Variants in DENND4B observed in about 807,000 individuals in gnomAD.
DENND4B encodes the protein DENN domain-containing protein 4B.
Under a neutral mutation model 161.0 loss-of-function variants are expected in DENND4B, and 67 were observed. The observed-to-expected ratio is 0.42, with a 90% CI of 0.34 to 0.51. The LOEUF is 0.51. DENND4B is among the 20% of genes least tolerant of loss of function. The pLI is 0.08. For missense variants in DENND4B, 1,481 were observed against 1,968.0 expected, an observed-to-expected ratio of 0.75 and a Z score of 4.68; for synonymous variants, 753 against 813.8, an observed-to-expected ratio of 0.93 and a Z score of 1.27.
rs1220780214 is a variant in DENND4B at position 153,942,146 on chromosome 1, C to T, written c.811-33G>A. 1 of 1,613,914 alleles carries T rather than the reference C, an allele frequency of 6.2e-7. No homozygotes were observed. The highest frequency in any genetic ancestry group is 1.7e-5 in the Admixed American group (1 of 60,020). ...GGGGCAGAAGGGTAGTCAGGCAGGCCCTGCATAGCCTGGACCCCTTGCCAC... is the reference window on the plus strand; with the variant it reads ...GGGGCAGAAGGGTAGTCAGGCAGGCTCTGCATAGCCTGGACCCCTTGCCAC... On this transcript the variant is annotated intron_variant, in intron 5 of 27. Coordinates refer to ENST00000361217, the MANE Select transcript of DENND4B (RefSeq NM_014856.3). This position sits in a 1 kb window ranked among gnomAD's most constrained non-coding sequence, Gnocchi z 6.9.
rs1678847863 is a variant in DENND4B, at chr1:153,930,542, T to C, written c.4342A>G (p.Ile1448Val). The C allele has an allele frequency of 3.7e-6, 6 of 1,614,024 alleles. No homozygotes were observed. The highest frequency in any genetic ancestry group is 5.1e-6 in the Non-Finnish European group (6 of 1,179,884). Residue 1448 changes from isoleucine to valine, a missense_variant, in exon 27 of 28, where the codon ATA becomes GTA. Transcript: ENST00000361217. The surrounding 1 kb of genome is among the most constrained non-coding windows in gnomAD (Gnocchi z 4.7). ...MAALGKDHVD[I>V]VAFDKKYKSA... ...AGCCCCTTGCCTGCAATCTCACCTA[T>C]GTCCACGTGGTCCTTGCCCAGAGCA...
At chr1:153,935,400 G>A (rs571714623) in intron 17 of DENND4B, among the ~76,000 whole-genome samples, 4 of 152,120 alleles carry the variant, frequency 2.6e-5, no homozygotes, top group Admixed American at 1.3e-4. Context: ...AGGCTGGAGC[G>A]CAGTGGCGCA....
rs749527610 is a variant in DENND4B at position 153,930,902 on chromosome 1, G to A, written c.4114+45C>T. On this transcript the variant is annotated intron_variant, in intron 25 of 27. Transcript: ENST00000361217. The surrounding 1 kb of genome is among the most constrained non-coding windows in gnomAD (Gnocchi z 4.7). Reference sequence around the variant, plus strand: ...GCCACCAGAATCACTGAGCCCTCTGGGTATGGGACCCACCCTCCCCACCCA... The same window carrying A: ...GCCACCAGAATCACTGAGCCCTCTGAGTATGGGACCCACCCTCCCCACCCA... 73 of 1,596,450 alleles carry A rather than the reference G, an allele frequency of 4.6e-5. No individual in the cohort carries two copies. Among genetic ancestry groups the A allele is most frequent in the Non-Finnish European group, 6.2e-5 (73 of 1,172,388 alleles).
chr1:153,939,526 G>A, intron 12 of DENND4B, 63 bp downstream of exon 12: 3 of 1,521,784 alleles, frequency 2.0e-6, no homozygotes, highest in East Asian at 2.3e-5. Context: ...CTTTCTGACA[G>A]AGCCCAGCCC....
At position 153,937,765 on chromosome 1, in the gene DENND4B, C is replaced by T. The variant is rs1469064891; in HGVS notation, c.2064G>A (p.Glu688=). ...ATTCACTGCCCTCTGGTAAGGCAGG[C>T]TCCTCGGGAGGTGTGATAAAGACAG... ...ELTVFITPPE[E]PALPEGSEST... The change falls in exon 14 of 28, where the codon GAG becomes GAA. Residue 688 remains glutamate, a synonymous_variant. Transcript: ENST00000361217. The surrounding 1 kb of genome is among the most constrained non-coding windows in gnomAD (Gnocchi z 4.7). 1 of 1,613,906 alleles carries T rather than the reference C, an allele frequency of 6.2e-7. No individual in the cohort carries two copies. Among genetic ancestry groups the T allele is most frequent in the Non-Finnish European group, 8.5e-7 (1 of 1,179,898 alleles).
Position 153,942,598 on chromosome 1 carries a change from T to A in DENND4B, c.598A>T (p.Lys200Ter). 1 of 1,599,398 alleles carries A rather than the reference T, an allele frequency of 6.3e-7. No homozygotes were observed. The highest frequency in any genetic ancestry group is 8.5e-7 in the Non-Finnish European group (1 of 1,172,768). The change falls in exon 4 of 28, where the codon AAG becomes TAG. Residue 200 changes from lysine (K) to a stop codon, truncating the protein, a stop_gained. Coordinates refer to ENST00000361217, the MANE Select transcript of DENND4B (RefSeq NM_014856.3). LOFTEE classifies it high-confidence loss of function. The surrounding 1 kb of genome is among the most constrained non-coding windows in gnomAD (Gnocchi z 6.9). ...MWGPAVYLCYKVGLAKANTLV... is the reference protein window; with the variant it reads ...MWGPAVYLCY ...GTGTTGGCCTTCGCCAGGCCCACCT[T>A]ATAGCACAGGTACACTGCTGGGCCC...
rs568277976 is a variant in DENND4B, at chr1:153,937,354, C to G, written c.2232+134G>C. 1 of 1,305,130 alleles carries G rather than the reference C, an allele frequency of 7.7e-7. No homozygotes were observed. Among genetic ancestry groups the G allele is most frequent in the East Asian group, 2.6e-5 (1 of 38,686 alleles). 80.8% of individuals were successfully genotyped at this position (1,305,130 alleles called of 1,614,324 possible). A position where few individuals can be genotyped will look rare whatever the true frequency, so the allele number is the denominator to read the frequency against. ...TGTTTATACAGGGTTGCTTATGTGC[C>G]AAGCACATTTAAACTCCTAACAACC... On this transcript the variant is annotated intron_variant, in intron 15 of 27. Coordinates refer to ENST00000361217, the MANE Select transcript of DENND4B (RefSeq NM_014856.3). The surrounding 1 kb of genome is among the most constrained non-coding windows in gnomAD (Gnocchi z 4.7).
intron 1 of DENND4B, chr1:153,945,218 G>A (rs1008605942): frequency 2.4e-6 from 3 of 1,271,116 alleles, no homozygotes; most frequent in Non-Finnish European, 3.1e-6. Flanking sequence ...AAAAAGCCTG[G>A]TGGGTAGCTC....
rs1217049308 is a variant in DENND4B at position 153,937,542 on chromosome 1, C to T, written c.2178G>A (p.Val726=). ...TGGGGGCGCTACGGGAAGGGCCTGG[C>T]ACAGGCAGGGCCCCAGGTTGCTCTT... The part of the protein sequence containing the change: ...SLQEQPGALP[V]PGPSRSAPSS... Residue 726 remains valine (V), a synonymous_variant, in exon 15 of 28, where the codon GTG becomes GTA. Coordinates refer to ENST00000361217, the MANE Select transcript of DENND4B (RefSeq NM_014856.3). The surrounding 1 kb of genome is among the most constrained non-coding windows in gnomAD (Gnocchi z 4.7). 1.9e-6 allele frequency: 3 copies of T among 1,609,416 alleles called. No individual in the cohort carries two copies. The highest frequency in any genetic ancestry group is 2.5e-6 in the Non-Finnish European group (3 of 1,177,740).
At chr1:153,931,496 CTTTTTTTTTT>C (rs1157104732) in intron 24 of DENND4B, among the ~76,000 whole-genome samples, 1 of 134,100 alleles carries the variant, frequency 7.5e-6, no homozygotes, top group Non-Finnish European at 1.6e-5. Flanking sequence ...TATGCTCTTT[CTTTTTTTTTT>C]TTTTTTTTTG....
At position 153,930,952 on chromosome 1, in the gene DENND4B, A is replaced by G. The variant is rs372670116; in HGVS notation, c.4109T>C (p.Val1370Ala). Reference protein sequence around the residue: ...SCPPLYVLWRVHSQIPQRVVW... With the variant: ...SCPPLYVLWRAHSQIPQRVVW... ...AGGCCAAATACCAGACTCACTGTGG[A>G]CCCTCCAGAGCACATAGAGAGGTGG... Residue 1370 changes from valine to alanine, a missense_variant, in exon 25 of 28, where the codon GTC becomes GCC. Physicochemically the swap from Val to Ala is moderately conservative, Grantham distance 64 (BLOSUM62 0). Transcript: ENST00000361217. This position sits in a 1 kb window ranked among gnomAD's most constrained non-coding sequence, Gnocchi z 4.7. The G allele has an allele frequency of 1.3e-6, 2 of 1,531,718 alleles. No homozygotes were observed. The highest frequency in any genetic ancestry group is 2.3e-5 in the East Asian group (1 of 43,390). 94.9% of individuals were successfully genotyped at this position (1,531,718 alleles called of 1,614,324 possible).
intron 24 of DENND4B, among the ~76,000 whole-genome samples, chr1:153,931,496 C>CT (rs1157104732): frequency 0.014 from 1,842 of 134,056 alleles, 17 homozygotes; most frequent in African/African-American, 0.03. Context: ...TATGCTCTTT[C>CT]TTTTTTTTTT....
chr1:153,940,358 C>G lies in DENND4B; in HGVS notation c.1502+73G>C. 6.4e-7 allele frequency: 1 copy of G among 1,570,930 alleles called. No individual in the cohort carries two copies. Among genetic ancestry groups the G allele is most frequent in the Non-Finnish European group, 8.7e-7 (1 of 1,155,996 alleles). On this transcript the variant is annotated intron_variant, in intron 10 of 27. Transcript: ENST00000361217. The surrounding 1 kb of genome is among the most constrained non-coding windows in gnomAD (Gnocchi z 5.6). ...CTTTGTGCCTGAAGCTCTTTTTGAG[C>G]CCGTAGCACTCCACACACTAGCCCA...
In DENND4B at chr1:153,934,450, G is replaced by T; in HGVS notation, c.2774-148C>A. ...TTGTGTTTGTTTGTTTGTTTGTTTT[G>T]TTTTGTTTTTTGAGATGGAGTCTTG... On this transcript the variant is annotated intron_variant, in intron 18 of 27. Transcript: ENST00000361217. This position sits in a 1 kb window ranked among gnomAD's most constrained non-coding sequence, Gnocchi z 5.3. 3 of 1,264,412 alleles carry T rather than the reference G, an allele frequency of 2.4e-6. No homozygotes were observed. The highest frequency in any genetic ancestry group is 3.2e-6 in the Non-Finnish European group (3 of 928,048). The allele number at this position is 1,264,412 out of a possible 1,614,324, so 78.3% of individuals were successfully genotyped here. A position where few individuals can be genotyped will look rare whatever the true frequency, so the allele number is the denominator to read the frequency against.
Position 153,942,568 on chromosome 1 carries a change from C to A in DENND4B, c.628G>T (p.Val210Leu), listed in dbSNP as rs1261695569. Reference protein sequence around the residue: ...KVGLAKANTLVYEAELLGRYP... With the variant: ...KVGLAKANTLLYEAELLGRYP... ...AGGGGCCACTCACCTGCCTCGTACA[C>A]CAGCGTGTTGGCCTTCGCCAGGCCC... is the stretch of plus-strand genomic sequence containing the variant. Residue 210 changes from valine to leucine, a missense_variant, in exon 4 of 28, where the codon GTG becomes TTG. Around this residue, in one of 3 missense-constraint regions of DENND4B, gnomAD observed 806 missense variants for 1,134.4 expected, o/e 0.71. Coordinates refer to ENST00000361217, the MANE Select transcript of DENND4B (RefSeq NM_014856.3). This position sits in a 1 kb window ranked among gnomAD's most constrained non-coding sequence, Gnocchi z 6.9. 1 of 1,597,488 alleles carries A rather than the reference C, an allele frequency of 6.3e-7. No homozygotes were observed. Among genetic ancestry groups the A allele is most frequent in the South Asian group, 1.1e-5 (1 of 88,348 alleles).
intron 12 of DENND4B, among the ~76,000 whole-genome samples, 176 bp downstream of exon 12, chr1:153,939,413 T>TC (rs1467376294): frequency 6.6e-6 from 1 of 151,186 alleles, no homozygotes; most frequent in Admixed American, 6.6e-5. Context: ...GTACCCTGAT[T>TC]CCCCCCCAAG....
Position 153,942,620 on chromosome 1 carries a change from G to T in DENND4B, c.576C>A (p.Gly192=). The T allele has an allele frequency of 1.3e-6, 2 of 1,590,540 alleles. No individual in the cohort carries two copies. The highest frequency in any genetic ancestry group is 1.8e-5 in the Admixed American group (1 of 55,370). The part of the protein sequence containing the change: ...LPRNLNPGMW[G]PAVYLCYKVG... The stretch of plus-strand genomic sequence containing the variant: ...CCTTATAGCACAGGTACACTGCTGG[G>T]CCCCACTACCCCAGAAATGGCAAGA... Residue 192 remains glycine, a synonymous_variant, in exon 4 of 28, where the codon GGC becomes GGA. Transcript: ENST00000361217. This position sits in a 1 kb window ranked among gnomAD's most constrained non-coding sequence, Gnocchi z 6.9.
At position 153,929,650 on chromosome 1, in the gene DENND4B, CT is replaced by C. The variant is rs1271551305; in HGVS notation, c.*646del. The stretch of plus-strand genomic sequence containing the variant: ...ATTAGGACTGGAGGGGGCACCAGTT[CT>C]TCCTAAGGGGAGCTTGAGACTCCTC... On this transcript the variant is annotated 3_prime_UTR_variant, in exon 28 of 28. Transcript: ENST00000361217. 1.3e-5 allele frequency: 2 copies of C among 152,152 alleles called. No homozygotes were observed. Among genetic ancestry groups the C allele is most frequent in the Admixed American group, 6.6e-5 (1 of 15,258 alleles). The allele number at this position is 152,152 out of a possible 1,614,324, so 9.4% of individuals were successfully genotyped here.
chr1:153,941,182 C>G, intron 8 of DENND4B, 49 bp downstream of exon 8: 1 of 1,608,308 alleles, frequency 6.2e-7, no homozygotes, highest in Non-Finnish European at 8.5e-7. Context: ...CCAGCACCTA[C>G]CATGTCCTTG....
Sources: allele counts gnomAD v4.1 joint callset (sites outside exome capture counted in the v4.1 genomes callset), GRCh38; gene constraint gnomAD v4.1.1; regional missense constraint gnomAD v4.1.1; non-coding constraint Gnocchi (gnomAD v3.1); transcripts MANE v1.5; gene names NCBI Gene and HGNC (gene_info 2026-07-23, HGNC 2026-07-21).